SDC2: variants seen among roughly 807,000 people sequenced by gnomAD.
SDC2 encodes syndecan-2.
SDC2 carries 13 observed loss-of-function variants against 22.2 expected under a neutral mutation model. The observed-to-expected ratio is 0.59, with a 90% confidence interval of 0.38 to 0.93. The LOEUF is 0.93. Ranked by LOEUF, SDC2 falls within the 40% of genes least tolerant of loss-of-function variation. The pLI is 0.00. For missense variants in SDC2, 235 were observed against 246.8 expected (o/e 0.95, Z 0.32); for synonymous variants, 94 against 92.8 (o/e 1.01, Z -0.07).
intron 1 of SDC2, among the ~76,000 whole-genome samples, chr8:96,559,441 A>G (rs1015750181): frequency 1.3e-5 from 2 of 152,198 alleles, no homozygotes; most frequent in South Asian, 2.1e-4. Flanking sequence ...TAAAGTAAGT[A>G]GTAATAGGAA....
chr8:96,538,611 C>T (rs1247464404), intron 1 of SDC2: 1 of 152,124 alleles, frequency 6.6e-6, no homozygotes, highest in Non-Finnish European at 1.5e-5. Context: ...TGTAGAAATG[C>T]TGGGAAGTTT....
intron 1 of SDC2, among the ~76,000 whole-genome samples, chr8:96,518,421 CGCGATCTCGGCCCACT>C (rs1304367869): frequency 1.2e-4 from 18 of 146,986 alleles, no homozygotes; most frequent in Non-Finnish European, 2.5e-4. Context: ...AGTGCAGTGG[CGCGATCTCGGCCCACT>C]GCAAGCTCCG....
At chr8:96,516,607 A>C (rs957847359) in intron 1 of SDC2, among the ~76,000 whole-genome samples, 183 of 151,764 alleles carry the variant, frequency 1.2e-3, no homozygotes, top group African/African-American at 4.3e-3. Flanking sequence ...TTCAAGGCCT[A>C]GGCAACCACT....
At chr8:96,534,552 A>G (rs1324738824) in intron 1 of SDC2, among the ~76,000 whole-genome samples, 1 of 151,978 alleles carries the variant, frequency 6.6e-6, no homozygotes, top group East Asian at 1.9e-4. Context: ...CTCCCACCTC[A>G]GCCTCCTGAG....
intron 1 of SDC2, among the ~76,000 whole-genome samples, chr8:96,560,085 C>T (rs1563661572): frequency 6.6e-6 from 1 of 152,102 alleles, no homozygotes; most frequent in Non-Finnish European, 1.5e-5. Context: ...AATTTTAGAA[C>T]TTTTTCATCA....
chr8:96,531,022 C>A (rs1318484935), intron 1 of SDC2, among the ~76,000 whole-genome samples: 1 of 152,194 alleles, frequency 6.6e-6, no homozygotes, highest in Non-Finnish European at 1.5e-5. Context: ...CTGAGGACTC[C>A]AGCCTAGGCT....
In SDC2 at chr8:96,593,662, A is replaced by G. The variant is rs751788343; in HGVS notation, c.172+71A>G. ...CACGCACACACATTTTACTGTGCTT[A>G]CTTCAAGGAGACAGGCAGGATGCAC... On this transcript the variant is annotated intron_variant, in intron 2 of 4. Coordinates refer to ENST00000302190, the MANE Select transcript of SDC2 (RefSeq NM_002998.4). 76 of 994,104 alleles carry G rather than the reference A, an allele frequency of 7.6e-5. 1 individual carries two copies. Among genetic ancestry groups the G allele is most frequent in the Middle Eastern group, 2.8e-4 (1 of 3,514 alleles). 61.6% of individuals were successfully genotyped at this position (994,104 alleles called of 1,614,324 possible). A position where few individuals can be genotyped will look rare whatever the true frequency, so the allele number is the denominator to read the frequency against.
At chr8:96,543,414 T>C (rs560246885) in intron 1 of SDC2, among the ~76,000 whole-genome samples, 26 of 152,322 alleles carry the variant, frequency 1.7e-4, no homozygotes, top group African/African-American at 6.0e-4. Flanking sequence ...AAAAGCCACA[T>C]TGGTAATGAA....
chr8:96,572,721 T>G (rs753150989), intron 1 of SDC2, among the ~76,000 whole-genome samples: 3 of 152,332 alleles, frequency 2.0e-5, no homozygotes, highest in Admixed American at 6.5e-5. Context: ...GGTCCATTTC[T>G]ATAGGATCAC....
intron 1 of SDC2, among the ~76,000 whole-genome samples, chr8:96,542,308 C>T (rs1008415210): frequency 3.3e-5 from 5 of 152,072 alleles, no homozygotes; most frequent in African/African-American, 1.2e-4. Context: ...ATTTTATAGC[C>T]CACATCATTT....
intron 1 of SDC2, among the ~76,000 whole-genome samples, chr8:96,587,859 A>T (rs963306933): frequency 2.0e-5 from 3 of 152,032 alleles, no homozygotes; most frequent in Non-Finnish European, 4.4e-5. Flanking sequence ...AGGAAAAGGG[A>T]GGGACGAGGT....
intron 1 of SDC2, among the ~76,000 whole-genome samples, chr8:96,531,401 A>G (rs1038129594): frequency 6.6e-6 from 1 of 152,218 alleles, no homozygotes; most frequent in Non-Finnish European, 1.5e-5. Flanking sequence ...TAAATTATAG[A>G]TATATCTCTT....
rs190805803 is a variant in SDC2, at chr8:96,589,264, C to T, written c.61-4216C>T. Among the ~76,000 whole-genome samples the T allele has an allele frequency of 7.1e-4, 108 of 152,282 alleles. 1 individual carries two copies. Among genetic ancestry groups the T allele is most frequent in the African/African-American group, 2.6e-3 (106 of 41,556 alleles). Reference sequence around the variant, plus strand: ...GAAGGAAAGTAGTGTCACCAGATCTCTTCTTGGTGTTTTTGTATTGGTGCC... The same window carrying T: ...GAAGGAAAGTAGTGTCACCAGATCTTTTCTTGGTGTTTTTGTATTGGTGCC... On this transcript the variant is annotated intron_variant, in intron 1 of 4. Transcript: ENST00000302190.
In SDC2 at chr8:96,494,289, C is replaced by G. The variant is rs201756270; in HGVS notation, c.18C>G (p.Ile6Met). ...TGGGGAATATGCGGCGCGCGTGGATCCTGCTCACCTTGGGCTTGGTGGCCT... is the reference window on the plus strand; with the variant it reads ...TGGGGAATATGCGGCGCGCGTGGATGCTGCTCACCTTGGGCTTGGTGGCCT... MRRAWILLTLGLVACV... is the reference protein window; with the variant it reads MRRAWMLLTLGLVACV... Residue 6 changes from isoleucine to methionine, a missense_variant, in exon 1 of 5, where the codon ATC becomes ATG. Transcript: ENST00000302190. 1.9e-6 allele frequency: 3 copies of G among 1,547,002 alleles called. No homozygotes were observed. Among genetic ancestry groups the G allele is most frequent in the Admixed American group, 1.9e-5 (1 of 51,826 alleles).
Position 96,570,684 on chromosome 8 carries a change from C to G in SDC2, c.61-22796C>G, listed in dbSNP as rs543662279. 3.3e-5 allele frequency among the ~76,000 whole-genome samples: 5 copies of G among 152,182 alleles called. No homozygotes were observed. The South Asian group carries it at 1.0e-3, about 32-fold the overall frequency. On this transcript the variant is annotated intron_variant, in intron 1 of 4. Coordinates refer to ENST00000302190, the MANE Select transcript of SDC2 (RefSeq NM_002998.4). ...TGAGAAATGCTCTAAGGGTGAAGTACACACTGGAATTCAAACTTAGTATGA... is the reference window on the plus strand; with the variant it reads ...TGAGAAATGCTCTAAGGGTGAAGTAGACACTGGAATTCAAACTTAGTATGA...
At chr8:96,552,635 A>C (rs1442461494) in intron 1 of SDC2, among the ~76,000 whole-genome samples, 1 of 152,178 alleles carries the variant, frequency 6.6e-6, no homozygotes, top group Non-Finnish European at 1.5e-5. Flanking sequence ...CTTCCTCTAA[A>C]TTTAGGATGG....
intron 1 of SDC2, among the ~76,000 whole-genome samples, chr8:96,555,272 A>G (rs1242245279): frequency 1.3e-5 from 2 of 152,054 alleles, no homozygotes; most frequent in Non-Finnish European, 2.9e-5. Flanking sequence ...AATAATGCCG[A>G]TTCTTTCATT....
intron 1 of SDC2, among the ~76,000 whole-genome samples, chr8:96,552,236 A>G (rs755150119): frequency 8.5e-5 from 13 of 152,218 alleles, no homozygotes; most frequent in Non-Finnish European, 1.3e-4. Flanking sequence ...ATATAAAACC[A>G]TAACTTGTTT....
At chr8:96,538,119 C>A (rs959070350) in intron 1 of SDC2, among the ~76,000 whole-genome samples, 4 of 152,128 alleles carry the variant, frequency 2.6e-5, no homozygotes. Context: ...CACACCACCA[C>A]GCCCGGCTAA....
Sources: allele counts gnomAD v4.1 joint callset (sites outside exome capture counted in the v4.1 genomes callset), GRCh38; gene constraint gnomAD v4.1.1; transcripts MANE v1.5; gene names NCBI Gene and HGNC (gene_info 2026-07-23, HGNC 2026-07-21).